SH3PXD2B: variants seen among roughly 807,000 people sequenced by gnomAD.
SH3PXD2B encodes SH3 and PX domain-containing protein 2B.
Under a neutral mutation model 73.1 loss-of-function variants are expected in SH3PXD2B, and 37 were observed. That is an observed-to-expected ratio of 0.51 (90% confidence interval 0.39 to 0.67). SH3PXD2B has a LOEUF of 0.67. Ranked by LOEUF, SH3PXD2B falls within the 30% of genes least tolerant of loss-of-function variation. SH3PXD2B has a pLI of 0.00. For synonymous variants in SH3PXD2B, 457 were observed against 480.5 expected, an observed-to-expected ratio of 0.95 and a Z score of 0.64; for missense variants, 1,053 against 1,197.8, an observed-to-expected ratio of 0.88 and a Z score of 1.78.
chr5:172,346,067 G>C (rs967659282), intron 12 of SH3PXD2B, 69 bp downstream of exon 12: 6 of 1,611,022 alleles, frequency 3.7e-6, no homozygotes, highest in Non-Finnish European at 5.1e-6. Context: ...GAGGTGACAG[G>C]GGAGAAGTAG....
At position 172,390,813 on chromosome 5, in the gene SH3PXD2B, TTTTGTG is replaced by T. The variant is rs1290809800; in HGVS notation, c.309+3744_309+3749del. On this transcript the variant is annotated intron_variant, in intron 4 of 12. Transcript: ENST00000311601. ...CTGTCTTCCAAAGTAGCTTCCCGTCTTTTGTGTGTGTGTGTGTGTGTGTGTGTGTGT... is the reference window on the plus strand; with the variant it reads ...CTGTCTTCCAAAGTAGCTTCCCGTCTTGTGTGTGTGTGTGTGTGTGTGTGT... Among the ~76,000 whole-genome samples, 381 of 116,846 alleles carry T rather than the reference TTTTGTG, an allele frequency of 3.3e-3. 3 individuals are homozygous for T. Among genetic ancestry groups the T allele is most frequent in the African/African-American group, 0.013 (352 of 28,092 alleles). 76.7% of individuals were successfully genotyped at this position (116,846 alleles called of 152,430 possible). A position where few individuals can be genotyped will look rare whatever the true frequency, so the allele number is the denominator to read the frequency against.
At chr5:172,372,062 G>A (rs576069061) in intron 6 of SH3PXD2B, among the ~76,000 whole-genome samples, 27 of 152,344 alleles carry the variant, frequency 1.8e-4, no homozygotes, top group African/African-American at 6.0e-4. Context: ...TGACTGTGGG[G>A]CCTGTGAAGT....
chr5:172,367,768 C>T (rs1757561967), intron 6 of SH3PXD2B, among the ~76,000 whole-genome samples: 1 of 152,102 alleles, frequency 6.6e-6, no homozygotes, highest in African/African-American at 2.4e-5. Flanking sequence ...CAGGAGGTAA[C>T]TGGCTCTGCA....
intron 6 of SH3PXD2B, among the ~76,000 whole-genome samples, chr5:172,368,640 T>TTATATATATAACATATATATATTA (rs1554137066): frequency 0.34 from 5,321 of 15,720 alleles, 1,606 homozygotes; most frequent in South Asian, 0.39. Flanking sequence ...AATATATATG[T>TTATATATATAACATATATATATTA]TATATATATA....
chr5:172,453,786 G>A (rs1434000652), intron 1 of SH3PXD2B, among the ~76,000 whole-genome samples: 3 of 152,138 alleles, frequency 2.0e-5, no homozygotes, highest in African/African-American at 7.2e-5. Context: ...CGCCCAGGCC[G>A]GCTCTTGCCA....
intron 1 of SH3PXD2B, among the ~76,000 whole-genome samples, chr5:172,425,676 C>T (rs1260563736): frequency 2.0e-5 from 3 of 151,440 alleles, no homozygotes; most frequent in Non-Finnish European, 2.9e-5. Flanking sequence ...CACAGAGAAG[C>T]GTCTGGATTT....
At chr5:172,341,147 T>C (rs1004307291) in intron 12 of SH3PXD2B, among the ~76,000 whole-genome samples, 2 of 152,202 alleles carry the variant, frequency 1.3e-5, no homozygotes, top group African/African-American at 4.8e-5. Flanking sequence ...CTCGCTATTA[T>C]GGGCTGAATT....
At chr5:172,368,484 A>AAATATATATATATTAT in intron 6 of SH3PXD2B, among the ~76,000 whole-genome samples, 1 of 19,706 alleles carries the variant, frequency 5.1e-5, no homozygotes, top group Non-Finnish European at 7.7e-5. Context: ...ATATATATAA[A>AAATATATATATATTAT]ATATATATAT....
At position 172,337,494 on chromosome 5, in the gene SH3PXD2B, A is replaced by G. The variant is rs761721782; in HGVS notation, c.*875T>C. 27 of 985,420 alleles carry G rather than the reference A, an allele frequency of 2.7e-5. No homozygotes were observed. The highest frequency in any genetic ancestry group is 3.3e-5 in the Non-Finnish European group (27 of 829,884). 61.0% of individuals were successfully genotyped at this position (985,420 alleles called of 1,614,324 possible). On this transcript the variant is annotated 3_prime_UTR_variant, in exon 13 of 13. Transcript: ENST00000311601. ...CCAAGTACAGTGTTTGGCACCCACG[A>G]GGCACTCAGCAAAGGGGTGCTCACA...
At chr5:172,414,305 C>T (rs1217723222) in intron 2 of SH3PXD2B, among the ~76,000 whole-genome samples, 3 of 151,656 alleles carry the variant, frequency 2.0e-5, no homozygotes, top group Non-Finnish European at 2.9e-5. Flanking sequence ...CCCATCTCTA[C>T]TAAAAATACA....
At position 172,352,039 on chromosome 5, in the gene SH3PXD2B, G is replaced by C. The variant is rs200418616; in HGVS notation, c.786-1450C>G. 2.6e-5 allele frequency among the ~76,000 whole-genome samples: 4 copies of C among 152,146 alleles called. No individual in the cohort carries two copies. In the East Asian group the frequency reaches 5.8e-4, roughly 22 times the overall value. On this transcript the variant is annotated intron_variant, in intron 9 of 12. Transcript: ENST00000311601. ...CTGAAATCCTGACTGTCACTTTCTA[G>C]CATCAGTCAGATCTTGAGATGACTG... is the stretch of plus-strand genomic sequence containing the variant.
intron 3 of SH3PXD2B, among the ~76,000 whole-genome samples, chr5:172,404,645 G>T (rs78029066): frequency 0.019 from 2,929 of 152,260 alleles, 88 homozygotes; most frequent in African/African-American, 0.06. Flanking sequence ...GACTTAGGGT[G>T]ATTGTCAGAT....
chr5:172,437,071 C>T (rs1759407682), intron 1 of SH3PXD2B, among the ~76,000 whole-genome samples: 1 of 152,090 alleles, frequency 6.6e-6, no homozygotes, highest in Non-Finnish European at 1.5e-5. Flanking sequence ...TTGCAGATGG[C>T]TTGCTCTGGG....
chr5:172,333,116 G>A (rs576433962), downstream of SH3PXD2B, among the ~76,000 whole-genome samples: 7 of 142,764 alleles, frequency 4.9e-5, no homozygotes, highest in Admixed American at 4.3e-4. Flanking sequence ...TTGTATTTTA[G>A]TAGAGATGGG....
chr5:172,335,157 T>C lies in SH3PXD2B; in HGVS notation c.*3212A>G. ...TTAGACTCAGGGTTTTCCAAATTTT[T>C]GGAGGTACCGCAAGCTGTCCGTTTG... On this transcript the variant is annotated 3_prime_UTR_variant, in exon 13 of 13. Transcript: ENST00000311601. 1.0e-6 allele frequency: 1 copy of C among 989,862 alleles called. No homozygotes were observed. The highest frequency in any genetic ancestry group is 1.2e-6 in the Non-Finnish European group (1 of 833,102). The allele number at this position is 989,862 out of a possible 1,614,324, so 61.3% of individuals were successfully genotyped here.
At chr5:172,350,635 A>T in intron 9 of SH3PXD2B, 46 bp from the exon 10 acceptor site, 2 of 1,539,538 alleles carry the variant, frequency 1.3e-6, no homozygotes, top group Non-Finnish European at 1.8e-6. Context: ...CGCCAGGCCC[A>T]AGGGAAGAAG....
At chr5:172,449,415 T>C (rs1759745104) in intron 1 of SH3PXD2B, among the ~76,000 whole-genome samples, 1 of 152,224 alleles carries the variant, frequency 6.6e-6, no homozygotes, top group Non-Finnish European at 1.5e-5. Flanking sequence ...CACTCCTTGC[T>C]GTGTGACCTC....
Position 172,394,577 on chromosome 5 carries a change from C to T in SH3PXD2B, c.295G>A (p.Asp99Asn), listed in dbSNP as rs144348295. The change falls in exon 4 of 13, where the codon GAT (aspartate) becomes AAT (asparagine). Residue 99 changes from aspartate to asparagine, a missense_variant. Asp to Asn is a conservative substitution (Grantham distance 23). Transcript: ENST00000311601. The stretch of plus-strand genomic sequence containing the variant: ...CTCAGCCTTACCTTACAGTATTCAT[C>T]AATTGGTATCAGGCGTTTGACAGCC... The part of the protein sequence containing the change: ...DVAVKRLIPI[D>N]EYCKALIQLP... The T allele has an allele frequency of 4.3e-6, 7 of 1,613,998 alleles. No homozygotes were observed. The African/African-American group carries it at 8.0e-5, about 18-fold the overall frequency.
intron 1 of SH3PXD2B, among the ~76,000 whole-genome samples, chr5:172,430,258 G>C (rs1759203470): frequency 1.3e-5 from 2 of 152,202 alleles, no homozygotes; most frequent in Non-Finnish European, 2.9e-5. Context: ...CCCTACAAAT[G>C]AACTTCCCAC....
Sources: gnomAD v4.1 joint callset for allele counts (sites outside exome capture counted in the v4.1 genomes callset) on GRCh38, gnomAD v4.1.1 for gene constraint, MANE v1.5 for transcripts, NCBI Gene and HGNC (gene_info 2026-07-23, HGNC 2026-07-21) for gene names.